ZNF423: variants seen among roughly 807,000 people sequenced by gnomAD.
The protein encoded by ZNF423 is Ebf-associated zinc finger protein.
A neutral mutation model predicts 95.8 loss-of-function variants in ZNF423; 12 were observed. That is an observed-to-expected ratio of 0.13 (90% confidence interval 0.08 to 0.20). The LOEUF (loss-of-function observed/expected upper bound fraction) is 0.20. Ranked by LOEUF, ZNF423 falls within the 10% of genes least tolerant of loss-of-function variation. The pLI, the probability that ZNF423 is intolerant of heterozygous loss-of-function variation, is 1.00. For missense variants in ZNF423, 1,316 were observed against 1,737.1 expected (o/e 0.76, Z 4.31); for synonymous variants, 749 against 711.9 (o/e 1.05, Z -0.83).
chr16:49,625,815 G>C (rs1245668752), intron 5 of ZNF423, among the ~76,000 whole-genome samples: 3 of 152,208 alleles, frequency 2.0e-5, no homozygotes, highest in Admixed American at 6.5e-5. Context: ...TGTTGAGTAG[G>C]GAAATGTGAG....
chr16:49,839,484 C>T (rs574732545), intron 1 of ZNF423, among the ~76,000 whole-genome samples: 2 of 152,194 alleles, frequency 1.3e-5, no homozygotes, highest in African/African-American at 2.4e-5. Flanking sequence ...TGCCGGGTGG[C>T]GCTCACAGCA....
At chr16:49,559,131 G>C (rs1446409591) in intron 5 of ZNF423, among the ~76,000 whole-genome samples, 1 of 152,250 alleles carries the variant, frequency 6.6e-6, no homozygotes, top group Non-Finnish European at 1.5e-5. Context: ...AAAGGCAGTT[G>C]TATGTCTGGG....
chr16:49,522,102 A>C lies in ZNF423; in HGVS notation c.3849+1522T>G, dbSNP rs548707923. Among the ~76,000 whole-genome samples the C allele has an allele frequency of 9.9e-5, 15 of 152,218 alleles. No homozygotes were observed. The South Asian group carries it at 3.1e-3, about 32-fold the overall frequency. ...CAGCCTTGTAACCTGGGTATGTGGG[A>C]GATTGCTGCATGCAGGTGCAGCAGT... On this transcript the variant is annotated intron_variant, in intron 7 of 7. Transcript: ENST00000563137.
In ZNF423 at chr16:49,492,067, C is replaced by T. The variant is rs1052288330; in HGVS notation, c.3850-763G>A. 2.0e-5 allele frequency among the ~76,000 whole-genome samples: 3 copies of T among 152,234 alleles called. No homozygotes were observed. Among genetic ancestry groups the T allele is most frequent in the African/African-American group, 7.2e-5 (3 of 41,468 alleles). On this transcript the variant is annotated intron_variant, in intron 7 of 7. Transcript: ENST00000563137. The surrounding 1 kb of genome is among the most constrained non-coding windows in gnomAD (Gnocchi z 4.2). ...CCTCTCATTACAGTCAATGGCATTT[C>T]CTCCCCCTGCCAGCCAGAGGGGGCC...
chr16:49,797,756 G>A (rs761751296), intron 1 of ZNF423, among the ~76,000 whole-genome samples: 1 of 152,208 alleles, frequency 6.6e-6, no homozygotes, highest in South Asian at 2.1e-4. Flanking sequence ...AGAACAAGCT[G>A]TTTCAACAGC....
At chr16:49,561,525 G>T (rs1470897494) in intron 5 of ZNF423, among the ~76,000 whole-genome samples, 1 of 152,064 alleles carries the variant, frequency 6.6e-6, no homozygotes, top group East Asian at 1.9e-4. Context: ...GAAAACCATG[G>T]ATCTAAGTGA....
chr16:49,798,086 T>C (rs1466417186), intron 1 of ZNF423, among the ~76,000 whole-genome samples: 4 of 152,186 alleles, frequency 2.6e-5, no homozygotes, highest in Non-Finnish European at 4.4e-5. Flanking sequence ...GGTATGTGCC[T>C]GTCATCCCAG....
At chr16:49,539,714 G>C (rs1012789472) in intron 5 of ZNF423, among the ~76,000 whole-genome samples, 19 of 152,240 alleles carry the variant, frequency 1.2e-4, no homozygotes, top group African/African-American at 4.1e-4. Context: ...GTGAGACACT[G>C]TCACACCCAG....
chr16:49,818,902 A>AATG (rs1231420034), intron 1 of ZNF423, among the ~76,000 whole-genome samples: 22 of 152,126 alleles, frequency 1.4e-4, no homozygotes, highest in Admixed American at 5.9e-4. Context: ...AAATAATAAT[A>AATG]ATAAATACAT....
intron 2 of ZNF423, 38 bp downstream of exon 2, chr16:49,789,449 A>G (rs1457966357): frequency 6.3e-7 from 1 of 1,594,010 alleles, no homozygotes. Flanking sequence ...AGCCCCCAGG[A>G]CCCCCTGCAA....
rs553804666 is a variant in ZNF423, at chr16:49,854,919, G to A, written c.40+816C>T. ...AGCCGGCCTGGGTGTCGAGGGTGCCGGTGCCCGGGGTCAGATCCAGGGTGC... is the reference window on the plus strand; with the variant it reads ...AGCCGGCCTGGGTGTCGAGGGTGCCAGTGCCCGGGGTCAGATCCAGGGTGC... On this transcript the variant is annotated intron_variant, in intron 1 of 7. Transcript: ENST00000563137. 1,477 of 984,982 alleles carry A rather than the reference G, an allele frequency of 1.5e-3. 4 individuals are homozygous for A. The highest frequency in any genetic ancestry group is 1.7e-3 in the Non-Finnish European group (1,374 of 829,708). 61.0% of individuals were successfully genotyped at this position (984,982 alleles called of 1,614,324 possible).
chr16:49,593,187 TG>T (rs1971069675), intron 5 of ZNF423, among the ~76,000 whole-genome samples: 1 of 152,176 alleles, frequency 6.6e-6, no homozygotes, highest in South Asian at 2.1e-4. Flanking sequence ...GGCTCATGCC[TG>T]TAATCTCAGT....
intron 3 of ZNF423, among the ~76,000 whole-genome samples, chr16:49,656,283 G>T (rs1347862467): frequency 6.6e-6 from 1 of 152,164 alleles, no homozygotes; most frequent in African/African-American, 2.4e-5. Flanking sequence ...GGCTGAGGCG[G>T]GTGGATCACC....
chr16:49,688,510 C>T (rs183276277), intron 3 of ZNF423, among the ~76,000 whole-genome samples: 74 of 152,238 alleles, frequency 4.9e-4, no homozygotes, highest in African/African-American at 1.6e-3. Context: ...GCTGGCAGCC[C>T]GGGCGGCTCC....
intron 7 of ZNF423, among the ~76,000 whole-genome samples, chr16:49,493,125 T>C (rs1039810199): frequency 6.6e-6 from 1 of 152,008 alleles, no homozygotes; most frequent in African/African-American, 2.4e-5. Context: ...CCGTGGCACC[T>C]CTCCCTGTAC....
At chr16:49,564,582 C>A (rs1366156511) in intron 5 of ZNF423, among the ~76,000 whole-genome samples, 2 of 152,220 alleles carry the variant, frequency 1.3e-5, no homozygotes, top group African/African-American at 4.8e-5. Context: ...GGTGGCTCTA[C>A]AGAGAAATTT....
intron 5 of ZNF423, among the ~76,000 whole-genome samples, chr16:49,622,970 C>T (rs1400312731): frequency 6.6e-6 from 1 of 152,126 alleles, no homozygotes; most frequent in African/African-American, 2.4e-5. Context: ...CCCACAGAGA[C>T]CGCTGCAACT....
At chr16:49,786,703 G>A (rs2034319912) in intron 2 of ZNF423, among the ~76,000 whole-genome samples, 3 of 152,214 alleles carry the variant, frequency 2.0e-5, no homozygotes, top group Non-Finnish European at 4.4e-5. Flanking sequence ...GAGGACTTGG[G>A]TTCGAGTCCC....
intron 5 of ZNF423, among the ~76,000 whole-genome samples, chr16:49,612,343 C>T (rs895109558): frequency 4.0e-5 from 6 of 149,746 alleles, no homozygotes; most frequent in Non-Finnish European, 7.4e-5. Flanking sequence ...TATTTGAAAA[C>T]TGGTCAATAT....
Sources: allele counts gnomAD v4.1 joint callset (sites outside exome capture counted in the v4.1 genomes callset), GRCh38; gene constraint gnomAD v4.1.1; non-coding constraint Gnocchi (gnomAD v3.1); transcripts MANE v1.5; gene names NCBI Gene and HGNC (gene_info 2026-07-23, HGNC 2026-07-21).